MMP24: variants seen among roughly 807,000 people sequenced by gnomAD.
MMP24 encodes matrix metalloproteinase-24.
A neutral mutation model predicts 62.8 loss-of-function variants in MMP24; 25 were observed. The ratio of observed to expected loss-of-function variants is 0.40; its 90% confidence interval spans 0.29 to 0.56. The LOEUF is 0.56. Among genes scored for constraint, MMP24 ranks in the 20% least tolerant of loss-of-function variants. The pLI is 0.50. For missense variants in MMP24, 634 were observed against 853.6 expected (o/e 0.74, Z 3.21); for synonymous variants, 319 against 350.5 (o/e 0.91, Z 1.00).
chr20:35,227,642 T>C (rs982121526), intron 1 of MMP24, among the ~76,000 whole-genome samples: 1 of 152,106 alleles, frequency 6.6e-6, no homozygotes, highest in Non-Finnish European at 1.5e-5. Context: ...GGGGATTGGA[T>C]GGAGGCATGC....
rs768957038 is a variant in MMP24 at position 35,274,610 on chromosome 20, G to A, written c.*1G>A. 1.0e-5 allele frequency: 16 copies of A among 1,596,850 alleles called. No individual in the cohort carries two copies. The Admixed American group carries it at 2.4e-4, about 24-fold the overall frequency. On this transcript the variant is annotated 3_prime_UTR_variant, in exon 9 of 9. Transcript: ENST00000246186. The surrounding 1 kb of genome is among the most constrained non-coding windows in gnomAD (Gnocchi z 5.1). ...GCGGCCAGTCCAGGAATGGGTGTGA[G>A]CAGCCCAGAGCCCTCTCTATCCACT... is the stretch of plus-strand genomic sequence containing the variant.
intron 1 of MMP24, among the ~76,000 whole-genome samples, 178 bp from the exon 2 acceptor site, chr20:35,246,662 G>A (rs1260963279): frequency 6.6e-6 from 1 of 152,152 alleles, no homozygotes; most frequent in Admixed American, 6.5e-5. Flanking sequence ...AATAAAAGCT[G>A]CTCTCTGGAG....
intron 4 of MMP24, chr20:35,262,802 T>TG (rs1220994554): frequency 1.4e-5 from 2 of 138,574 alleles, no homozygotes; most frequent in African/African-American, 5.9e-5. Context: ...CCTTCCGCAG[T>TG]TTTTGTGTCC....
rs1378861551 is a variant in MMP24 at position 35,246,932 on chromosome 20, T to C, written c.339T>C (p.Thr113=). The C allele has an allele frequency of 3.1e-6, 5 of 1,614,080 alleles. No individual in the cohort carries two copies. Among genetic ancestry groups the C allele is most frequent in the East Asian group, 2.2e-5 (1 of 44,888 alleles). ...AGGCCTTGCAGTCGGCAGTCTCCACTATGCAGCAGTTTTACGGGATCCCGG... is the reference window on the plus strand; with the variant it reads ...AGGCCTTGCAGTCGGCAGTCTCCACCATGCAGCAGTTTTACGGGATCCCGG... ...SAKALQSAVS[T]MQQFYGIPVT... is the part of the protein sequence containing the mutation. The change falls in exon 2 of 9, where the codon ACT becomes ACC. Residue 113 remains threonine (T), a synonymous_variant. Coordinates refer to ENST00000246186, the MANE Select transcript of MMP24 (RefSeq NM_006690.4).
chr20:35,274,300 C>T lies in MMP24; in HGVS notation c.1629C>T (p.Asp543=), dbSNP rs2060690800. ...ACACCTATTTCTACAAGGGCCGGGA[C>T]TACTGGAAGTTTGACAACCAGAAAC... The part of the protein sequence containing the change: ...GYYTYFYKGR[D]YWKFDNQKLS... The change falls in exon 9 of 9, where the codon GAC becomes GAT. Residue 543 remains aspartate (D), a synonymous_variant. Transcript: ENST00000246186. This position sits in a 1 kb window ranked among gnomAD's most constrained non-coding sequence, Gnocchi z 5.1. 12 of 1,612,756 alleles carry T rather than the reference C, an allele frequency of 7.4e-6. No homozygotes were observed. Among genetic ancestry groups the T allele is most frequent in the Non-Finnish European group, 1.0e-5 (12 of 1,179,740 alleles).
intron 4 of MMP24, among the ~76,000 whole-genome samples, chr20:35,260,216 G>C (rs568726524): frequency 6.6e-6 from 1 of 152,178 alleles, no homozygotes; most frequent in Non-Finnish European, 1.5e-5. Context: ...TGCTCCCTCT[G>C]TCTCCCCCTC....
Position 35,271,903 on chromosome 20 carries a change from G to T in MMP24, c.1600+68G>T, listed in dbSNP as rs1568622859. On this transcript the variant is annotated intron_variant, in intron 8 of 8. Coordinates refer to ENST00000246186, the MANE Select transcript of MMP24 (RefSeq NM_006690.4). The surrounding 1 kb of genome is among the most constrained non-coding windows in gnomAD (Gnocchi z 4.0). ...TATGTGGTCCTCACCAGTGCCCACG[G>T]GCATACTCAGTGCCCATGGGCGTCC... 4.7e-6 allele frequency: 7 copies of T among 1,499,934 alleles called. No homozygotes were observed. In the East Asian group the frequency reaches 1.6e-4, roughly 35 times the overall value. 92.9% of individuals were successfully genotyped at this position (1,499,934 alleles called of 1,614,324 possible).
In MMP24 at chr20:35,268,688, A is replaced by C. The variant is rs1045365725; in HGVS notation, c.1195-1072A>C. Among the ~76,000 whole-genome samples, 12 of 152,258 alleles carry C rather than the reference A, an allele frequency of 7.9e-5. No homozygotes were observed. In the South Asian group the frequency reaches 1.4e-3, roughly 18 times the overall value. On this transcript the variant is annotated intron_variant, in intron 6 of 8. Transcript: ENST00000246186. The stretch of plus-strand genomic sequence containing the variant: ...CTACTTTGATCCAACTGAACCGTTC[A>C]TAGGCAGGTCCGGGTTTTATCATCC...
intron 5 of MMP24, among the ~76,000 whole-genome samples, chr20:35,267,001 G>T (rs372235821): frequency 1.3e-5 from 2 of 152,186 alleles, no homozygotes; most frequent in East Asian, 3.9e-4. Context: ...GAAGATACCA[G>T]ATTCGGGGAT....
rs529108666 is a variant in MMP24 at position 35,276,341 on chromosome 20, T to G, written c.*1732T>G. The stretch of plus-strand genomic sequence containing the variant: ...TGCGGAGATATTAGTGATTCATAGG[T>G]TTGTACAGTGTTTTATACTTTGCAA... On this transcript the variant is annotated 3_prime_UTR_variant, in exon 9 of 9. Coordinates refer to ENST00000246186, the MANE Select transcript of MMP24 (RefSeq NM_006690.4). 29 of 398,992 alleles carry G rather than the reference T, an allele frequency of 7.3e-5. No individual in the cohort carries two copies. The East Asian group carries it at 1.0e-3, about 14-fold the overall frequency. 24.7% of individuals were successfully genotyped at this position (398,992 alleles called of 1,614,324 possible).
chr20:35,267,525 G>A (rs2060642635), intron 6 of MMP24, 106 bp downstream of exon 6: 3 of 1,222,898 alleles, frequency 2.5e-6, no homozygotes, highest in Admixed American at 2.2e-5. Flanking sequence ...CGATTACAAT[G>A]GGGCCTGGAC....
At chr20:35,234,471 G>A (rs1323195802) in intron 1 of MMP24, among the ~76,000 whole-genome samples, 2 of 152,176 alleles carry the variant, frequency 1.3e-5, no homozygotes, top group Non-Finnish European at 2.9e-5. Context: ...CTATAAATGA[G>A]GATACATATA....
At chr20:35,262,382 G>A (rs1331488122) in intron 4 of MMP24, among the ~76,000 whole-genome samples, 1 of 151,908 alleles carries the variant, frequency 6.6e-6, no homozygotes, top group Non-Finnish European at 1.5e-5. Flanking sequence ...AGACAAACAC[G>A]TGAACAAAGG....
At chr20:35,248,304 C>G (rs1160809429) in intron 2 of MMP24, among the ~76,000 whole-genome samples, 3 of 146,826 alleles carry the variant, frequency 2.0e-5, no homozygotes, top group Non-Finnish European at 3.0e-5. Context: ...GATTCCCCCC[C>G]CCTTTTTTTT....
intron 1 of MMP24, among the ~76,000 whole-genome samples, chr20:35,243,279 C>T (rs1158667998): frequency 2.6e-5 from 4 of 152,156 alleles, no homozygotes; most frequent in Non-Finnish European, 5.9e-5. Flanking sequence ...TAAATCTCAT[C>T]TCTATCTGGA....
intron 4 of MMP24, among the ~76,000 whole-genome samples, chr20:35,255,075 A>G (rs1040676502): frequency 1.3e-5 from 2 of 152,378 alleles, no homozygotes; most frequent in Middle Eastern, 3.4e-3. Flanking sequence ...TCACGCCTGT[A>G]ATCCCAGTAC....
In MMP24 at chr20:35,251,962, G is replaced by A. The variant is rs1477794778; in HGVS notation, c.453G>A (p.Arg151=). The change falls in exon 3 of 9, where the codon CGG becomes CGA. Residue 151 remains arginine, a synonymous_variant. Coordinates refer to ENST00000246186, the MANE Select transcript of MMP24 (RefSeq NM_006690.4). ...VPDHPHLSRR[R]RNKRYALTGQ... ...ATCACCCCCACTTAAGCCGTAGGCG[G>A]AGAAACAAGCGCTATGCCCTGACTG... is the stretch of plus-strand genomic sequence containing the variant. 6.2e-7 allele frequency: 1 copy of A among 1,614,054 alleles called. No homozygotes were observed. Among genetic ancestry groups the A allele is most frequent in the Non-Finnish European group, 8.5e-7 (1 of 1,179,890 alleles).
At chr20:35,261,003 C>T (rs1311748027) in intron 4 of MMP24, among the ~76,000 whole-genome samples, 14 of 152,230 alleles carry the variant, frequency 9.2e-5, no homozygotes, top group South Asian at 2.1e-4. Context: ...AGGAATGGGC[C>T]GAGCCATGCC....
At chr20:35,268,958 C>T (rs576343834) in intron 6 of MMP24, among the ~76,000 whole-genome samples, 71 of 150,044 alleles carry the variant, frequency 4.7e-4, no homozygotes, top group Admixed American at 2.8e-3. Context: ...ACCTGGGAGG[C>T]GGAGCTTGCA....
Sources: allele counts gnomAD v4.1 joint callset (sites outside exome capture counted in the v4.1 genomes callset), GRCh38; gene constraint gnomAD v4.1.1; non-coding constraint Gnocchi (gnomAD v3.1); transcripts MANE v1.5; gene names NCBI Gene and HGNC (gene_info 2026-07-23, HGNC 2026-07-21).